Variants in CENPP observed in about 807,000 individuals in gnomAD.
The protein encoded by CENPP is centromere protein P.
Under a neutral mutation model 35.6 loss-of-function variants are expected in CENPP, and 24 were observed. The observed-to-expected ratio is 0.67, with a 90% CI of 0.49 to 0.95. CENPP has a LOEUF of 0.95. CENPP is among the 40% of genes least tolerant of loss of function. CENPP has a pLI of 0.00. For missense variants in CENPP, 332 were observed against 345.3 expected (o/e 0.96, Z 0.31); for synonymous variants, 120 against 125.5 (o/e 0.96, Z 0.29).
chr9:92,533,303 CAAAAAAA>C (rs1174584000), intron 5 of CENPP, among the ~76,000 whole-genome samples: 60 of 29,850 alleles, frequency 2.0e-3, no homozygotes, highest in South Asian at 0.019. Flanking sequence ...CGGTCTCAAA[CAAAAAAA>C]AAAAAAAAAA....
chr9:92,429,906 A>T (rs1844062272), intron 5 of CENPP, among the ~76,000 whole-genome samples: 1 of 152,202 alleles, frequency 6.6e-6, no homozygotes, highest in East Asian at 1.9e-4. Context: ...TTATTTCTCA[A>T]AAAGCATTCT....
intron 5 of CENPP, among the ~76,000 whole-genome samples, chr9:92,462,751 T>C (rs1482318184): frequency 6.6e-6 from 1 of 152,234 alleles, no homozygotes; most frequent in African/African-American, 2.4e-5. Flanking sequence ...TTTTGATTAA[T>C]TGAGCTTAAT....
chr9:92,330,151 C>CAGTA (rs1840696075), intron 1 of CENPP, among the ~76,000 whole-genome samples: 1 of 152,084 alleles, frequency 6.6e-6, no homozygotes, highest in South Asian at 2.1e-4. Context: ...GAACGGATGG[C>CAGTA]AGTAAGTCCA....
chr9:92,385,841 A>G (rs1211778239), intron 5 of CENPP: 5 of 1,580,672 alleles, frequency 3.2e-6, no homozygotes, highest in Admixed American at 1.7e-5. Context: ...TCAACCTTTC[A>G]TATGCTATAT....
intron 5 of CENPP, chr9:92,496,491 A>C (rs549374149): frequency 6.2e-7 from 1 of 1,606,278 alleles, no homozygotes; most frequent in African/African-American, 1.3e-5. Flanking sequence ...TTCCTAAGGA[A>C]AAATAGACAT....
chr9:92,544,329 A>T (rs571150965), intron 5 of CENPP, among the ~76,000 whole-genome samples: 217 of 152,228 alleles, frequency 1.4e-3, no homozygotes, highest in Non-Finnish European at 2.3e-3. Flanking sequence ...TACAAAAATT[A>T]GCCGGGTGTG....
At position 92,567,383 on chromosome 9, in the gene CENPP, T is replaced by TATATATATATATAG. The variant is rs1850012411; in HGVS notation, c.565-43919_565-43906dup. 3.2e-5 allele frequency among the ~76,000 whole-genome samples: 3 copies of TATATATATATATAG among 94,622 alleles called. No homozygotes were observed. The South Asian group carries it at 8.2e-4, about 26-fold the overall frequency. 62.1% of individuals were successfully genotyped at this position (94,622 alleles called of 152,430 possible). ...CAGTTACATAAGATAGATATATATA[T>TATATATATATATAG]ATATATATATATAGATATATATATA... On this transcript the variant is annotated intron_variant, in intron 5 of 7. Coordinates refer to ENST00000375587, the MANE Select transcript of CENPP (RefSeq NM_001012267.3).
intron 5 of CENPP, among the ~76,000 whole-genome samples, chr9:92,602,433 G>A (rs746216189): frequency 2.6e-5 from 4 of 152,186 alleles, no homozygotes; most frequent in East Asian, 3.9e-4. Flanking sequence ...GTGGGGCCGC[G>A]TCTGAGGCAC....
chr9:92,326,252 A>C (rs1286108781), intron 1 of CENPP, 147 bp downstream of exon 1: 1 of 616,272 alleles, frequency 1.6e-6, no homozygotes, highest in Non-Finnish European at 2.9e-6. Context: ...ACGATGGCCT[A>C]GAGTTGGGAG....
At chr9:92,413,821 G>A (rs72752463) in intron 5 of CENPP, among the ~76,000 whole-genome samples, 4,673 of 152,194 alleles carry the variant, frequency 0.031, 113 homozygotes, top group South Asian at 0.083. Flanking sequence ...GGAACAGGTG[G>A]GCGTTCTGGT....
At chr9:92,543,124 T>C (rs1299136332) in intron 5 of CENPP, among the ~76,000 whole-genome samples, 1 of 152,156 alleles carries the variant, frequency 6.6e-6, no homozygotes, top group Non-Finnish European at 1.5e-5. Context: ...TACAGCTTTG[T>C]AGTATATTTT....
chr9:92,431,428 A>G (rs1464851611), intron 5 of CENPP, among the ~76,000 whole-genome samples: 1 of 152,198 alleles, frequency 6.6e-6, no homozygotes, highest in Non-Finnish European at 1.5e-5. Context: ...CCAATTTGGT[A>G]AGTATTCAGT....
chr9:92,544,453 G>A (rs997542382), intron 5 of CENPP, among the ~76,000 whole-genome samples: 3 of 152,154 alleles, frequency 2.0e-5, no homozygotes. Context: ...TCCAGCCTGG[G>A]CAACAGAGCA....
At chr9:92,396,397 G>A (rs2130913249) in intron 5 of CENPP, among the ~76,000 whole-genome samples, 1 of 151,726 alleles carries the variant, frequency 6.6e-6, no homozygotes, top group East Asian at 1.9e-4. Flanking sequence ...AAACCTATTA[G>A]GATTTTGATT....
chr9:92,415,233 A>C (rs536987656), intron 5 of CENPP: 6 of 1,613,794 alleles, frequency 3.7e-6, no homozygotes, highest in Non-Finnish European at 5.1e-6. Context: ...CATTGTCAGG[A>C]TCATCGTGAT....
chr9:92,474,897 T>C (rs1406551435), intron 5 of CENPP: 7 of 1,610,584 alleles, frequency 4.3e-6, no homozygotes, highest in Non-Finnish European at 5.9e-6. Context: ...TACTCCTTCA[T>C]GGTGTCTTAG....
At chr9:92,419,588 T>C (rs1284171247) in intron 5 of CENPP, among the ~76,000 whole-genome samples, 5 of 152,172 alleles carry the variant, frequency 3.3e-5, no homozygotes, top group African/African-American at 1.2e-4. Context: ...CGTGAGCCAC[T>C]GCATCCAGCC....
At chr9:92,434,677 TA>T (rs1047916624) in intron 5 of CENPP, among the ~76,000 whole-genome samples, 1 of 151,880 alleles carries the variant, frequency 6.6e-6, no homozygotes, top group Non-Finnish European at 1.5e-5. Flanking sequence ...AGTAAAACTT[TA>T]AAAAAAAGAA....
chr9:92,598,250 A>C (rs1055089702), intron 5 of CENPP, among the ~76,000 whole-genome samples: 1 of 152,132 alleles, frequency 6.6e-6, no homozygotes, highest in African/African-American at 2.4e-5. Context: ...CTCACCCCCC[A>C]CTGCCATGGG....
Sources: gnomAD v4.1 joint callset for allele counts (sites outside exome capture counted in the v4.1 genomes callset) on GRCh38, gnomAD v4.1.1 for gene constraint, MANE v1.5 for transcripts, NCBI Gene and HGNC (gene_info 2026-07-23, HGNC 2026-07-21) for gene names.